The following ALDH1L2 variants were observed in gnomAD, a reference collection of about 807,000 sequenced individuals.
The protein encoded by ALDH1L2 is mitochondrial 10-formyltetrahydrofolate dehydrogenase.
ALDH1L2 carries 91 observed loss-of-function variants against 111.0 expected under a neutral mutation model. The ratio of observed to expected loss-of-function variants is 0.82; its 90% CI spans 0.69 to 0.98. The LOEUF is 0.98. ALDH1L2 is among the 50% of genes least tolerant of loss of function. The pLI, the probability that ALDH1L2 is intolerant of heterozygous loss-of-function variation, is 0.00. For synonymous variants in ALDH1L2, 374 were observed against 392.6 expected, an observed-to-expected ratio of 0.95 and a Z score of 0.56; for missense variants, 995 against 1,126.8, an observed-to-expected ratio of 0.88 and a Z score of 1.67.
chr12:105,076,219 T>C (rs1878046066), intron 1 of ALDH1L2, among the ~76,000 whole-genome samples: 1 of 152,220 alleles, frequency 6.6e-6, no homozygotes, highest in Non-Finnish European at 1.5e-5. Flanking sequence ...TAACAAACTC[T>C]TCAGTGACTC....
At chr12:105,036,470 T>C (rs1229794148) in intron 18 of ALDH1L2, among the ~76,000 whole-genome samples, 1 of 113,116 alleles carries the variant, frequency 8.8e-6, no homozygotes, top group African/African-American at 3.1e-5. Flanking sequence ...TGTGTGTATA[T>C]ACACACACAT....
At chr12:105,077,364 G>C (rs544462352) in intron 1 of ALDH1L2, among the ~76,000 whole-genome samples, 1 of 151,440 alleles carries the variant, frequency 6.6e-6, no homozygotes, top group Admixed American at 6.6e-5. Context: ...TCCGCCTTCC[G>C]GGTTCAAGCA....
intron 3 of ALDH1L2, among the ~76,000 whole-genome samples, chr12:105,069,128 CA>C (rs1350285396): frequency 6.6e-6 from 1 of 152,088 alleles, no homozygotes; most frequent in Admixed American, 6.5e-5. Context: ...TAATGACTTG[CA>C]GTGAATTTAA....
At chr12:105,066,740 T>G in intron 4 of ALDH1L2, 71 bp from the exon 5 acceptor site, 2 of 1,311,126 alleles carry the variant, frequency 1.5e-6, no homozygotes, top group Non-Finnish European at 2.2e-6. Flanking sequence ...GACTAAAGTT[T>G]CTGCATAACA....
Position 105,036,513 on chromosome 12 carries a change from TTTATATATATATATATATATATATA to T in ALDH1L2, c.2145+1565_2145+1589del, listed in dbSNP as rs1875127330. On this transcript the variant is annotated intron_variant, in intron 18 of 22. Coordinates refer to ENST00000258494, the MANE Select transcript of ALDH1L2 (RefSeq NM_001034173.4). ...TATATTTATATATGTATATATATAT[TTTATATATATATATATATATATATA>T]TATATATATATATATATATATATAT... 1.7e-4 allele frequency among the ~76,000 whole-genome samples: 9 copies of T among 53,846 alleles called. 1 individual carries two copies. In the South Asian group the frequency reaches 2.0e-3, roughly 12 times the overall value. The allele number at this position is 53,846 out of a possible 152,430, so 35.3% of individuals were successfully genotyped here.
At position 105,024,395 on chromosome 12, in the gene ALDH1L2, G is replaced by A. The variant is rs773795971; in HGVS notation, c.*29C>T. 1.8e-5 allele frequency: 29 copies of A among 1,612,778 alleles called. No homozygotes were observed. In the East Asian group the frequency reaches 5.8e-4, roughly 32 times the overall value. On this transcript the variant is annotated 3_prime_UTR_variant, in exon 23 of 23. Coordinates refer to ENST00000258494, the MANE Select transcript of ALDH1L2 (RefSeq NM_001034173.4). ...TGTCCAGAGTTGTAAAGGGCTGTCT[G>A]TCAAGGCTTTCCTGATGATGGTGTT...
At chr12:105,071,631 TATATATATA>T (rs1565972463) in intron 2 of ALDH1L2, among the ~76,000 whole-genome samples, 83 of 16,244 alleles carry the variant, frequency 5.1e-3, no homozygotes, top group Non-Finnish European at 8.1e-3. Flanking sequence ...TATATATATA[TATATATATA>T]TATTTTTTTT....
chr12:105,062,011 G>T (rs779545668), intron 7 of ALDH1L2, among the ~76,000 whole-genome samples: 47 of 152,186 alleles, frequency 3.1e-4, no homozygotes, highest in Non-Finnish European at 6.0e-4. Context: ...ACACTTGGAC[G>T]TAGGTATTTG....
chr12:105,059,314 A>G (rs1396256609), intron 9 of ALDH1L2, among the ~76,000 whole-genome samples: 1 of 123,538 alleles, frequency 8.1e-6, no homozygotes, highest in African/African-American at 3.3e-5. Flanking sequence ...AATAATAATA[A>G]TAATACAGTA....
intron 18 of ALDH1L2, among the ~76,000 whole-genome samples, chr12:105,036,940 C>A (rs916124017): frequency 6.6e-6 from 1 of 152,064 alleles, no homozygotes; most frequent in Non-Finnish European, 1.5e-5. Flanking sequence ...AAGGCCCTGG[C>A]CGCAGGGGTA....
chr12:105,050,195 C>A, intron 12 of ALDH1L2, 137 bp from the exon 13 acceptor site: 1 of 743,474 alleles, frequency 1.3e-6, no homozygotes, highest in Non-Finnish European at 1.9e-6. Flanking sequence ...AGATCATGGT[C>A]CAGTAGGCAA....
Position 105,038,186 on chromosome 12 carries a change from A to G in ALDH1L2, c.2062T>C (p.Leu688=). Residue 688 remains leucine, a synonymous_variant, in exon 18 of 23, where the codon TTG becomes CTG. Transcript: ENST00000258494. ...CCAAGCTCAAGGGAAACTTTCTTCAAGTTGCTAACAGCACAGCTAGAGGAA... is the reference window on the plus strand; with the variant it reads ...CCAAGCTCAAGGGAAACTTTCTTCAGGTTGCTAACAGCACAGCTAGAGGAA... ...QIMKSCAVSN[L]KKVSLELGGK... is the part of the protein sequence containing the mutation. 6.2e-7 allele frequency: 1 copy of G among 1,610,912 alleles called. No homozygotes were observed. Among genetic ancestry groups the G allele is most frequent in the Non-Finnish European group, 8.5e-7 (1 of 1,177,972 alleles).
chr12:105,065,655 G>T (rs767425268), intron 5 of ALDH1L2, among the ~76,000 whole-genome samples: 4 of 151,900 alleles, frequency 2.6e-5, no homozygotes, highest in African/African-American at 4.8e-5. Context: ...TTTATGTTGG[G>T]TTTTTATTAG....
chr12:105,084,117 G>A (rs986568145), intron 1 of ALDH1L2, among the ~76,000 whole-genome samples: 2 of 152,084 alleles, frequency 1.3e-5, no homozygotes, highest in Non-Finnish European at 2.9e-5. Context: ...ATCCCAGCCA[G>A]ACTTGACACG....
chr12:105,062,010 C>T (rs985765794), intron 7 of ALDH1L2, among the ~76,000 whole-genome samples: 24 of 152,132 alleles, frequency 1.6e-4, no homozygotes, highest in African/African-American at 5.6e-4. Flanking sequence ...GACACTTGGA[C>T]GTAGGTATTT....
intron 12 of ALDH1L2, among the ~76,000 whole-genome samples, chr12:105,051,191 A>G (rs1389109512): frequency 6.6e-6 from 1 of 152,058 alleles, no homozygotes; most frequent in Admixed American, 6.5e-5. Context: ...CTCTGTATCC[A>G]TTCTCCACCC....
intron 13 of ALDH1L2, 42 bp from the exon 14 acceptor site, chr12:105,047,011 A>G (rs781525377): frequency 2.3e-5 from 37 of 1,587,106 alleles, no homozygotes; most frequent in Non-Finnish European, 3.1e-5. Context: ...ACTAATTTAA[A>G]TAAGTAAATT....
intron 2 of ALDH1L2, 25 bp downstream of exon 2, chr12:105,073,836 C>G: frequency 1.2e-6 from 2 of 1,613,408 alleles, no homozygotes; most frequent in South Asian, 1.1e-5. Context: ...GAATTCTTGA[C>G]CCAGTCATCC....
chr12:105,065,409 G>A, intron 5 of ALDH1L2, 53 bp from the exon 6 acceptor site: 3 of 1,478,742 alleles, frequency 2.0e-6, no homozygotes, highest in African/African-American at 2.8e-5. Context: ...AACCTCAAAG[G>A]CAATAAAAAC....
Sources: allele counts gnomAD v4.1 joint callset (sites outside exome capture counted in the v4.1 genomes callset), GRCh38; gene constraint gnomAD v4.1.1; transcripts MANE v1.5; gene names NCBI Gene and HGNC (gene_info 2026-07-23, HGNC 2026-07-21).